ANKS1B: variants seen among roughly 807,000 people sequenced by gnomAD.
The protein encoded by ANKS1B is ankyrin repeat and sterile alpha motif domain-containing protein 1B.
A neutral mutation model predicts 148.3 loss-of-function variants in ANKS1B; 36 were observed. The ratio of observed to expected loss-of-function variants is 0.24; its 90% CI spans 0.19 to 0.32. The LOEUF (loss-of-function observed/expected upper bound fraction) is 0.32. ANKS1B is among the 10% of genes least tolerant of loss of function. The pLI is 1.00. For missense variants in ANKS1B, 1,157 were observed against 1,542.6 expected, an observed-to-expected ratio of 0.75 and a Z score of 4.19; for synonymous variants, 542 against 560.8, an observed-to-expected ratio of 0.97 and a Z score of 0.47.
Position 99,369,843 on chromosome 12 carries a change from C to G in ANKS1B, c.1756+29788G>C, listed in dbSNP as rs986964145. ...ACAGACGGACGGATAGACAGACAGA[C>G]AGAGACAGATAGATAGATAGATAGA... On this transcript the variant is annotated intron_variant, in intron 12 of 26. Coordinates refer to ENST00000683438, the MANE Select transcript of ANKS1B (RefSeq NM_001352186.2). Among the ~76,000 whole-genome samples, 917 of 138,506 alleles carry G rather than the reference C, an allele frequency of 6.6e-3. 5 individuals are homozygous for G. The highest frequency in any genetic ancestry group is 9.6e-3 in the Admixed American group (130 of 13,506). 90.9% of individuals were successfully genotyped at this position (138,506 alleles called of 152,430 possible).
intron 16 of ANKS1B, among the ~76,000 whole-genome samples, chr12:99,057,364 C>A (rs888840650): frequency 2.6e-5 from 4 of 152,036 alleles, no homozygotes; most frequent in Non-Finnish European, 5.9e-5. Context: ...TAAATTAGAC[C>A]CATGCTTATT....
intron 17 of ANKS1B, among the ~76,000 whole-genome samples, chr12:98,906,840 TTTG>T (rs1188211059): frequency 2.1e-4 from 32 of 152,318 alleles, no homozygotes; most frequent in Admixed American, 2.1e-3. Context: ...TTAAATAATT[TTTG>T]TTTTTATTTT....
chr12:99,204,756 C>T (rs530301591), intron 14 of ANKS1B, among the ~76,000 whole-genome samples: 4 of 152,192 alleles, frequency 2.6e-5, no homozygotes, highest in African/African-American at 7.2e-5. Context: ...TTTGATAAGC[C>T]GTTGCTAAGG....
chr12:99,875,094 G>C (rs2153731842), intron 1 of ANKS1B, among the ~76,000 whole-genome samples: 1 of 152,218 alleles, frequency 6.6e-6, no homozygotes, highest in East Asian at 1.9e-4. Flanking sequence ...GCATGAAGTT[G>C]CTACCTAAAG....
At chr12:99,421,003 A>G (rs1441018353) in intron 11 of ANKS1B, among the ~76,000 whole-genome samples, 5 of 152,232 alleles carry the variant, frequency 3.3e-5, no homozygotes, top group Non-Finnish European at 5.9e-5. Context: ...CGGTATTTAC[A>G]GTTTAGTATT....
chr12:99,327,427 T>C (rs1276886447), intron 12 of ANKS1B, among the ~76,000 whole-genome samples: 1 of 132,528 alleles, frequency 7.5e-6, no homozygotes, highest in South Asian at 2.2e-4. Context: ...TATTATATTG[T>C]CTATAAATTA....
intron 11 of ANKS1B, among the ~76,000 whole-genome samples, chr12:99,414,258 G>A (rs1285364590): frequency 6.6e-6 from 1 of 151,974 alleles, no homozygotes; most frequent in Non-Finnish European, 1.5e-5. Context: ...AGAGTTCTCT[G>A]GCTAAATAAT....
At chr12:98,893,611 G>GC (rs144054516) in intron 17 of ANKS1B, 9,138 of 152,274 alleles carry the variant, frequency 0.06, 731 homozygotes, top group African/African-American at 0.19. Flanking sequence ...AGTCCACAGA[G>GC]CAAGTATCCT....
chr12:99,969,401 C>T (rs927370449), intron 1 of ANKS1B, among the ~76,000 whole-genome samples: 1 of 152,148 alleles, frequency 6.6e-6, no homozygotes, highest in Admixed American at 6.5e-5. Context: ...CCAGCCTGGT[C>T]TTGAACTCCT....
chr12:99,387,757 C>CTCA (rs2093926505), intron 12 of ANKS1B, among the ~76,000 whole-genome samples: 1 of 150,232 alleles, frequency 6.7e-6, no homozygotes, highest in African/African-American at 2.5e-5. Context: ...GCTTCTGGAA[C>CTCA]TCAGGAAAGT....
At chr12:99,454,043 C>G (rs1362979116) in intron 10 of ANKS1B, among the ~76,000 whole-genome samples, 3 of 152,112 alleles carry the variant, frequency 2.0e-5, no homozygotes, top group Non-Finnish European at 4.4e-5. Context: ...GCAAAGAAAA[C>G]AGAATATGCA....
intron 25 of ANKS1B, among the ~76,000 whole-genome samples, chr12:98,764,303 T>G (rs1256189131): frequency 6.6e-6 from 1 of 152,218 alleles, no homozygotes; most frequent in Non-Finnish European, 1.5e-5. Context: ...CTCAGCTCAC[T>G]GCAACCTTCG....
At chr12:99,325,378 CCCCAAAGAAATT>C (rs2086117092) in intron 12 of ANKS1B, among the ~76,000 whole-genome samples, 1 of 151,890 alleles carries the variant, frequency 6.6e-6, no homozygotes, top group Non-Finnish European at 1.5e-5. Context: ...GGGGCTAATG[CCCCAAAGAAATT>C]GGCAGTTTAC....
intron 4 of ANKS1B, among the ~76,000 whole-genome samples, chr12:99,802,749 C>T (rs1436633206): frequency 6.6e-6 from 1 of 151,720 alleles, no homozygotes; most frequent in Non-Finnish European, 1.5e-5. Flanking sequence ...CTTTTCTCTA[C>T]AAAAACTAAA....
chr12:99,228,921 T>C (rs1018769624), intron 14 of ANKS1B, among the ~76,000 whole-genome samples: 5 of 152,078 alleles, frequency 3.3e-5, no homozygotes, highest in African/African-American at 1.2e-4. Context: ...TATATATATG[T>C]ACATATACGT....
intron 8 of ANKS1B, among the ~76,000 whole-genome samples, chr12:99,724,065 A>G (rs891866573): frequency 2.6e-5 from 4 of 151,952 alleles, no homozygotes; most frequent in Non-Finnish European, 5.9e-5. Flanking sequence ...AAAAAAAAAC[A>G]CTGAAAGCCC....
At chr12:99,832,503 T>A (rs1033016739) in intron 1 of ANKS1B, among the ~76,000 whole-genome samples, 3 of 151,756 alleles carry the variant, frequency 2.0e-5, no homozygotes, top group African/African-American at 7.3e-5. Flanking sequence ...GCAGGTGGAT[T>A]ACTTGAGGTC....
At position 99,640,510 on chromosome 12, in the gene ANKS1B, G is replaced by A. The variant is rs749439246; in HGVS notation, c.1272+14557C>T. Among the ~76,000 whole-genome samples, 9 of 152,278 alleles carry A rather than the reference G, an allele frequency of 5.9e-5. No individual in the cohort carries two copies. The South Asian group carries it at 6.2e-4, about 11-fold the overall frequency. ...TTGCTATGAAAGGATGAGTTCAACC[G>A]TCTCTCATTCTCTTGACCTCTCTTA... is the stretch of plus-strand genomic sequence containing the variant. On this transcript the variant is annotated intron_variant, in intron 9 of 26. Coordinates refer to ENST00000683438, the MANE Select transcript of ANKS1B (RefSeq NM_001352186.2).
chr12:98,882,210 T>C (rs1207086579), intron 17 of ANKS1B, among the ~76,000 whole-genome samples: 1 of 152,130 alleles, frequency 6.6e-6, no homozygotes, highest in East Asian at 1.9e-4. Context: ...ATTCTGCCAA[T>C]GTTTTTAAAC....
Sources: allele counts gnomAD v4.1 joint callset (sites outside exome capture counted in the v4.1 genomes callset), GRCh38; gene constraint gnomAD v4.1.1; transcripts MANE v1.5; gene names NCBI Gene and HGNC (gene_info 2026-07-23, HGNC 2026-07-21).